The following GRIK1 variants were observed in gnomAD, a reference collection of about 807,000 sequenced individuals.
The protein encoded by GRIK1 is glutamate receptor ionotropic, kainate 1.
A neutral mutation model predicts 105.7 loss-of-function variants in GRIK1; 69 were observed. The observed-to-expected ratio is 0.65, with a 90% confidence interval of 0.54 to 0.80. The LOEUF (loss-of-function observed/expected upper bound fraction) is 0.80, where lower values mean the gene tolerates loss of function less well. Among genes scored for constraint, GRIK1 ranks in the 30% least tolerant of loss-of-function variants. GRIK1 has a pLI of 0.00. For missense variants in GRIK1, 1,109 were observed against 1,167.3 expected, an observed-to-expected ratio of 0.95 and a Z score of 0.73; for synonymous variants, 438 against 431.3, an observed-to-expected ratio of 1.02 and a Z score of -0.19.
intron 3 of GRIK1, among the ~76,000 whole-genome samples, chr21:29,677,114 A>C (rs1486067557): frequency 6.6e-6 from 1 of 152,200 alleles, no homozygotes; most frequent in Non-Finnish European, 1.5e-5. Flanking sequence ...GCTACTACTT[A>C]GTATAATTTT....
At chr21:29,816,754 CAAAG>C (rs2067165453) in intron 1 of GRIK1, among the ~76,000 whole-genome samples, 1 of 151,938 alleles carries the variant, frequency 6.6e-6, no homozygotes, top group South Asian at 2.1e-4. Context: ...ATCCCATAGA[CAAAG>C]AGAGTAGAAT....
chr21:29,869,209 A>G (rs908286524), intron 1 of GRIK1, among the ~76,000 whole-genome samples: 36 of 152,268 alleles, frequency 2.4e-4, no homozygotes, highest in Admixed American at 1.6e-3. Context: ...AAATATTTTT[A>G]CTGGTCTTTA....
intron 4 of GRIK1, among the ~76,000 whole-genome samples, chr21:29,669,073 A>G (rs2063115952): frequency 6.6e-6 from 1 of 152,192 alleles, no homozygotes; most frequent in South Asian, 2.1e-4. Flanking sequence ...TCTGTAGCCT[A>G]ATCAAGTCTT....
intron 12 of GRIK1, among the ~76,000 whole-genome samples, chr21:29,585,255 A>G (rs1469824309): frequency 1.3e-5 from 2 of 152,260 alleles, no homozygotes; most frequent in African/African-American, 4.8e-5. Flanking sequence ...AACTGAATGA[A>G]GTCCAAAAAT....
At chr21:29,692,732 C>T (rs150453344) in intron 2 of GRIK1, among the ~76,000 whole-genome samples, 2,735 of 152,162 alleles carry the variant, frequency 0.018, 39 homozygotes, top group South Asian at 0.035. Context: ...CCACCATGCC[C>T]GGCTACTTTT....
intron 1 of GRIK1, among the ~76,000 whole-genome samples, chr21:29,798,385 T>C (rs927083103): frequency 9.8e-5 from 15 of 152,342 alleles, no homozygotes; most frequent in African/African-American, 3.6e-4. Flanking sequence ...TTCATTACTT[T>C]AATGTAAGTA....
Position 29,850,082 on chromosome 21 carries a change from TC to T in GRIK1, c.118+89300del, listed in dbSNP as rs554593076. 1.4e-4 allele frequency among the ~76,000 whole-genome samples: 22 copies of T among 152,346 alleles called. No individual in the cohort carries two copies. The South Asian group carries it at 4.6e-3, about 32-fold the overall frequency. ...GCATATGCCCGTGAAGTTTATGTCA[TC>T]CCTTTTTGGTTCGGTTTCGCTGACT... On this transcript the variant is annotated intron_variant, in intron 1 of 17. Coordinates refer to ENST00000327783, the MANE Select transcript of GRIK1 (RefSeq NM_001330994.2).
At chr21:29,785,082 C>T (rs1360598649) in intron 1 of GRIK1, among the ~76,000 whole-genome samples, 2 of 152,082 alleles carry the variant, frequency 1.3e-5, no homozygotes, top group Non-Finnish European at 2.9e-5. Context: ...GAAATGGTTC[C>T]CTCCAATACC....
chr21:29,816,464 G>C (rs1306879389), intron 1 of GRIK1, among the ~76,000 whole-genome samples: 2 of 151,990 alleles, frequency 1.3e-5, no homozygotes, highest in Non-Finnish European at 2.9e-5. Flanking sequence ...CCAAAGGAAA[G>C]GAAATCAGCA....
intron 3 of GRIK1, among the ~76,000 whole-genome samples, chr21:29,674,074 G>GT (rs35964231): frequency 1.1e-4 from 16 of 146,140 alleles, no homozygotes; most frequent in East Asian, 2.0e-4. Context: ...TTTTTTTTTT[G>GT]TTGTTTTTTT....
intron 1 of GRIK1, among the ~76,000 whole-genome samples, chr21:29,899,592 A>T (rs529666508): frequency 3.3e-5 from 5 of 151,884 alleles, no homozygotes; most frequent in Non-Finnish European, 5.9e-5. Flanking sequence ...ATATTTATAA[A>T]CCACTCCCAG....
At chr21:29,695,037 A>T (rs363605) in intron 1 of GRIK1, among the ~76,000 whole-genome samples, 147,309 of 152,196 alleles carry the variant, frequency 0.97, 71,476 homozygotes, top group East Asian at 1. Flanking sequence ...AACCTGCATC[A>T]GGTAACTGAA....
intron 16 of GRIK1, among the ~76,000 whole-genome samples, chr21:29,540,636 T>C (rs2089953574): frequency 4.6e-5 from 7 of 152,178 alleles, no homozygotes; most frequent in Admixed American, 3.9e-4. Context: ...AGGATACATA[T>C]AAAGATTGAG....
intron 1 of GRIK1, among the ~76,000 whole-genome samples, chr21:29,900,459 C>CAAAAAAAAAAAAAAAAAAAAA (rs746842761): frequency 7.7e-5 from 6 of 78,324 alleles, no homozygotes; most frequent in African/African-American, 1.0e-4. Context: ...AAATGGAAAG[C>CAAAAAAAAAAAAAAAAAAAAA]AAGAAAAAAA....
At chr21:29,595,778 T>C (rs1297225141) in intron 9 of GRIK1, among the ~76,000 whole-genome samples, 1 of 152,090 alleles carries the variant, frequency 6.6e-6, no homozygotes, top group East Asian at 1.9e-4. Flanking sequence ...AAAGAAAATG[T>C]TTGCTTACCA....
At chr21:29,617,847 A>G (rs1221767359) in intron 7 of GRIK1, among the ~76,000 whole-genome samples, 1 of 152,228 alleles carries the variant, frequency 6.6e-6, no homozygotes, top group African/African-American at 2.4e-5. Flanking sequence ...ACCAGTGTTG[A>G]GGATTTGCAA....
intron 1 of GRIK1, among the ~76,000 whole-genome samples, chr21:29,762,105 A>G (rs573940038): frequency 6.6e-6 from 1 of 152,284 alleles, no homozygotes; most frequent in African/African-American, 2.4e-5. Flanking sequence ...TTTTTTCCAC[A>G]TGGCAATTTT....
intron 1 of GRIK1, among the ~76,000 whole-genome samples, chr21:29,731,735 T>G (rs943455960): frequency 6.6e-6 from 1 of 152,240 alleles, no homozygotes; most frequent in African/African-American, 2.4e-5. Context: ...CAAATTGATG[T>G]GGATGCTCTA....
At chr21:29,917,140 T>TGAAGTC (rs2071026586) in intron 1 of GRIK1, among the ~76,000 whole-genome samples, 1 of 152,048 alleles carries the variant, frequency 6.6e-6, no homozygotes, top group African/African-American at 2.4e-5. Context: ...ACCTAAATAC[T>TGAAGTC]TTCCAAATGA....
Sources: gnomAD v4.1 joint callset for allele counts (sites outside exome capture counted in the v4.1 genomes callset) on GRCh38, gnomAD v4.1.1 for gene constraint, MANE v1.5 for transcripts, NCBI Gene and HGNC (gene_info 2026-07-23, HGNC 2026-07-21) for gene names.